The following TXNRD2 variants were observed in gnomAD, a reference collection of about 807,000 sequenced individuals.
The protein encoded by TXNRD2 is thioredoxin reductase 2, also known as thioredoxin reductase 2, mitochondrial.
In TXNRD2, 67 loss-of-function variants were observed where a neutral mutation model predicts 70.8. The ratio of observed to expected loss-of-function variants is 0.95; its 90% confidence interval spans 0.78 to 1.16. The LOEUF is 1.16. Ranked by LOEUF, TXNRD2 falls within the 50% of genes most tolerant of loss-of-function variation. The pLI is 0.00. For missense variants in TXNRD2, 644 were observed against 719.9 expected, an observed-to-expected ratio of 0.89 and a Z score of 1.21; for synonymous variants, 301 against 295.8, an observed-to-expected ratio of 1.02 and a Z score of -0.18.
At chr22:19,889,308 T>A (rs897358823) in intron 11 of TXNRD2, among the ~76,000 whole-genome samples, 1 of 152,176 alleles carries the variant, frequency 6.6e-6, no homozygotes, top group African/African-American at 2.4e-5. Context: ...GAGTGGTCAT[T>A]ATTGCTTTAA....
Position 19,918,897 on chromosome 22 carries a change from AG to A in TXNRD2, c.336del (p.Tyr113MetfsTer24). The A allele has an allele frequency of 6.2e-7, 1 of 1,612,400 alleles. No individual in the cohort carries two copies. The highest frequency in any genetic ancestry group is 8.5e-7 in the Non-Finnish European group (1 of 1,179,954). On this transcript the variant is annotated frameshift_variant, in exon 4 of 18. Coordinates refer to ENST00000400521, the MANE Select transcript of TXNRD2 (RefSeq NM_006440.5). LOFTEE classifies it high-confidence loss of function. Reference sequence around the variant, plus strand: ...ACGGGCTGGGCCACCTCCCAGCCATAGTTGGGGGCATCTTGGATCAGGCCTC... The same window carrying A: ...ACGGGCTGGGCCACCTCCCAGCCATATTGGGGGCATCTTGGATCAGGCCTC... ...LLGGLIQDAP[N>X]YGWEVAQPVP...
At chr22:19,879,618 TG>T (rs1187843095) in intron 14 of TXNRD2, among the ~76,000 whole-genome samples, 15 of 19,684 alleles carry the variant, frequency 7.6e-4, no homozygotes, top group East Asian at 2.3e-3. Context: ...TGCAGGGTGG[TG>T]GGGGGGGTGG....
chr22:19,895,326 AG>A (rs1237123127), intron 11 of TXNRD2, 80 bp downstream of exon 11: 32 of 1,604,432 alleles, frequency 2.0e-5, no homozygotes, highest in Non-Finnish European at 2.7e-5. Context: ...GAGCCCTGGG[AG>A]GTGACAGGAA....
At chr22:19,911,257 C>T (rs1190522559) in intron 8 of TXNRD2, 120 bp downstream of exon 8, 1 of 855,630 alleles carries the variant, frequency 1.2e-6, no homozygotes, top group Admixed American at 2.0e-5. Context: ...GCCTTTTTTC[C>T]TTCTTTTGGG....
chr22:19,899,273 G>A (rs1047637208), intron 8 of TXNRD2, among the ~76,000 whole-genome samples: 2 of 152,226 alleles, frequency 1.3e-5, no homozygotes, highest in African/African-American at 4.8e-5. Flanking sequence ...CAAATCGCCT[G>A]GTGGTGAAGG....
intron 8 of TXNRD2, among the ~76,000 whole-genome samples, chr22:19,909,129 C>T (rs1381451798): frequency 6.6e-6 from 1 of 151,284 alleles, no homozygotes; most frequent in Non-Finnish European, 1.5e-5. Context: ...TCGCTTGAAC[C>T]CGGGAGGCAG....
rs369960227 is a variant in TXNRD2, at chr22:19,898,132, T to G, written c.683-2A>C. 1 of 1,558,864 alleles carries G rather than the reference T, an allele frequency of 6.4e-7. No homozygotes were observed. The highest frequency in any genetic ancestry group is 8.7e-7 in the Non-Finnish European group (1 of 1,151,526). On this transcript the variant is annotated splice_acceptor_variant, in intron 9 of 17. Transcript: ENST00000400521. LOFTEE classifies it high-confidence loss of function. ...AGCCAGCACACTCCAGGGCCACATC[T>G]GTGGGGTGCCAGCTAAGGAGCACTG...
intron 8 of TXNRD2, among the ~76,000 whole-genome samples, chr22:19,909,641 CA>C (rs1374985662): frequency 7.9e-6 from 1 of 126,196 alleles, no homozygotes; most frequent in Non-Finnish European, 1.7e-5. Flanking sequence ...ACACCACTCA[CA>C]TACACACACC....
At chr22:19,935,869 CAGAA>C (rs1358569890) in intron 1 of TXNRD2, among the ~76,000 whole-genome samples, 5 of 152,222 alleles carry the variant, frequency 3.3e-5, no homozygotes, top group Admixed American at 2.6e-4. Context: ...GTCCAGTCCA[CAGAA>C]ATGCTTGTTT....
chr22:19,883,347 T>C lies in TXNRD2; in HGVS notation c.1064A>G (p.Tyr355Cys). ...SREATSVPHI[Y>C]AIGDVVEGRP... ...TACCTCCACCACGTCACCAATGGCG[T>C]AGATGTGGGGCACAGAGGTGGCTTC... Residue 355 changes from tyrosine (Y) to cysteine (C), a missense_variant, in exon 12 of 18, where the codon TAC becomes TGC. Physicochemically the swap from Tyr to Cys is radical, Grantham distance 194 (BLOSUM62 -2). Around this residue, in one of 3 missense-constraint regions of TXNRD2, gnomAD observed 566 missense variants for 645.0 expected, o/e 0.88. Coordinates refer to ENST00000400521, the MANE Select transcript of TXNRD2 (RefSeq NM_006440.5). 1.2e-6 allele frequency: 2 copies of C among 1,613,934 alleles called. No homozygotes were observed. The highest frequency in any genetic ancestry group is 2.2e-5 in the South Asian group (2 of 91,088).
chr22:19,912,460 G>A (rs1940456089), intron 7 of TXNRD2, among the ~76,000 whole-genome samples: 1 of 152,232 alleles, frequency 6.6e-6, no homozygotes, highest in Non-Finnish European at 1.5e-5. Context: ...AGCTGCCCGT[G>A]AGGTGCAGAG....
chr22:19,915,053 T>C, intron 7 of TXNRD2, 161 bp downstream of exon 7: 2 of 721,906 alleles, frequency 2.8e-6, no homozygotes, highest in South Asian at 3.2e-5. Flanking sequence ...TTCAGCAGTG[T>C]GGATTCAAGA....
intron 16 of TXNRD2, among the ~76,000 whole-genome samples, chr22:19,877,810 G>T (rs1382512603): frequency 6.6e-6 from 1 of 152,240 alleles, no homozygotes; most frequent in Non-Finnish European, 1.5e-5. Context: ...ATGGTGGCGT[G>T]GTGCTTGGCC....
chr22:19,892,173 C>T (rs993190394), intron 11 of TXNRD2, among the ~76,000 whole-genome samples: 1 of 152,256 alleles, frequency 6.6e-6, no homozygotes, highest in African/African-American at 2.4e-5. Context: ...GCCCCTAGGG[C>T]GCTTTATTTT....
chr22:19,929,051 G>GGC (rs1281865259), intron 2 of TXNRD2, among the ~76,000 whole-genome samples: 1 of 150,766 alleles, frequency 6.6e-6, no homozygotes, highest in African/African-American at 2.4e-5. Flanking sequence ...CCATAGGCCG[G>GGC]GCGCGGTGGC....
chr22:19,901,134 G>A (rs1313900571), intron 8 of TXNRD2, among the ~76,000 whole-genome samples: 1 of 152,212 alleles, frequency 6.6e-6, no homozygotes, highest in Non-Finnish European at 1.5e-5. Flanking sequence ...ACAAATGTTT[G>A]CTGTCTCTGC....
intron 2 of TXNRD2, among the ~76,000 whole-genome samples, chr22:19,925,628 G>A (rs1941110713): frequency 1.3e-5 from 2 of 151,850 alleles, no homozygotes; most frequent in South Asian, 4.1e-4. Flanking sequence ...ATAGATGTAT[G>A]CTTTTTTAAG....
chr22:19,927,644 C>A (rs1313410725), intron 2 of TXNRD2, among the ~76,000 whole-genome samples: 2 of 119,638 alleles, frequency 1.7e-5, no homozygotes, highest in South Asian at 5.6e-4. Flanking sequence ...CACATGAGAC[C>A]TTGTCTCAAA....
At chr22:19,937,491 T>C (rs1352694328) in intron 1 of TXNRD2, among the ~76,000 whole-genome samples, 2 of 152,182 alleles carry the variant, frequency 1.3e-5, no homozygotes, top group Non-Finnish European at 2.9e-5. Flanking sequence ...GAACCATGAG[T>C]GTAAAATGGC....
Sources: gnomAD v4.1 joint callset for allele counts (sites outside exome capture counted in the v4.1 genomes callset) on GRCh38, gnomAD v4.1.1 for gene constraint, gnomAD v4.1.1 regional missense constraint, MANE v1.5 for transcripts, NCBI Gene and HGNC (gene_info 2026-07-23, HGNC 2026-07-21) for gene names.